Variants in ZMAT4 observed in about 807,000 individuals in gnomAD.
ZMAT4 encodes the protein zinc finger matrin-type protein 4.
In ZMAT4, 17 loss-of-function variants were observed where a neutral mutation model predicts 28.7. The observed-to-expected ratio is 0.59, with a 90% CI of 0.41 to 0.89. ZMAT4 has a LOEUF of 0.89. Among genes scored for constraint, ZMAT4 ranks in the 40% least tolerant of loss-of-function variants. The probability of loss-of-function intolerance (pLI) is 0.00; values close to 1 mark genes in which losing one functional copy is unlikely to be tolerated. For synonymous variants in ZMAT4, 117 were observed against 109.2 expected, an observed-to-expected ratio of 1.07 and a Z score of -0.44; for missense variants, 240 against 283.8, an observed-to-expected ratio of 0.85 and a Z score of 1.11.
intron 6 of ZMAT4, among the ~76,000 whole-genome samples, chr8:40,538,712 C>T (rs1802926840): frequency 2.0e-5 from 3 of 151,986 alleles, no homozygotes; most frequent in Admixed American, 2.0e-4. Flanking sequence ...TCTTTCCTGA[C>T]TCCCCTTTTC....
rs117493275 is a variant in ZMAT4, at chr8:40,548,966, T to C, written c.675-16728A>G. Reference sequence around the variant, plus strand: ...TTTGCTATGGTCTAAATGTCTGTACTCCCACCCACAGAATTCATATGTTGA... The same window carrying C: ...TTTGCTATGGTCTAAATGTCTGTACCCCCACCCACAGAATTCATATGTTGA... On this transcript the variant is annotated intron_variant, in intron 6 of 6. Coordinates refer to ENST00000297737, the MANE Select transcript of ZMAT4 (RefSeq NM_024645.3). 3.1e-3 allele frequency among the ~76,000 whole-genome samples: 470 copies of C among 152,248 alleles called. 2 individuals carry two copies. The highest frequency in any genetic ancestry group is 5.0e-3 in the Non-Finnish European group (340 of 68,008).
At chr8:40,584,604 T>C (rs1804602890) in intron 5 of ZMAT4, among the ~76,000 whole-genome samples, 1 of 152,076 alleles carries the variant, frequency 6.6e-6, no homozygotes, top group South Asian at 2.1e-4. Context: ...CAAAGACAAT[T>C]TGAATGAACT....
At chr8:40,640,456 TG>T (rs775718847) in intron 5 of ZMAT4, among the ~76,000 whole-genome samples, 4 of 152,194 alleles carry the variant, frequency 2.6e-5, no homozygotes, top group Non-Finnish European at 5.9e-5. Context: ...CTCTCTGCAT[TG>T]TTCTCATCAC....
chr8:40,737,397 G>A (rs1293335081), intron 3 of ZMAT4, among the ~76,000 whole-genome samples: 2 of 152,034 alleles, frequency 1.3e-5, no homozygotes, highest in African/African-American at 4.8e-5. Context: ...TGAAAGAAGA[G>A]CAATGGAAGG....
intron 6 of ZMAT4, among the ~76,000 whole-genome samples, chr8:40,578,600 T>C (rs1376907670): frequency 6.6e-6 from 1 of 152,068 alleles, no homozygotes; most frequent in East Asian, 1.9e-4. Context: ...ATTCTCTCTC[T>C]CCTCTCTCTC....
intron 2 of ZMAT4, among the ~76,000 whole-genome samples, chr8:40,815,921 A>C (rs1401982127): frequency 6.6e-6 from 1 of 152,198 alleles, no homozygotes; most frequent in Non-Finnish European, 1.5e-5. Context: ...CGGTTTCAAC[A>C]GTTGTTTCAT....
At chr8:40,703,840 G>T (rs1219152625) in intron 3 of ZMAT4, among the ~76,000 whole-genome samples, 1 of 152,208 alleles carries the variant, frequency 6.6e-6, no homozygotes, top group African/African-American at 2.4e-5. Flanking sequence ...GAAGCTTAAG[G>T]TGTTGTTTTT....
intron 2 of ZMAT4, among the ~76,000 whole-genome samples, chr8:40,769,580 A>G (rs1229775553): frequency 1.3e-5 from 2 of 152,250 alleles, no homozygotes; most frequent in African/African-American, 4.8e-5. Context: ...CTGGTGATAA[A>G]GCACGCAGAC....
intron 5 of ZMAT4, among the ~76,000 whole-genome samples, chr8:40,597,704 G>A (rs1000900497): frequency 1.3e-5 from 2 of 152,134 alleles, no homozygotes; most frequent in African/African-American, 4.8e-5. Flanking sequence ...ATATCTCTGA[G>A]TTCAGAGGAG....
At chr8:40,599,978 C>T (rs1267315797) in intron 5 of ZMAT4, among the ~76,000 whole-genome samples, 6 of 152,206 alleles carry the variant, frequency 3.9e-5, no homozygotes, top group Non-Finnish European at 5.9e-5. Context: ...CTGATCTACT[C>T]GAGCTAGCAC....
At chr8:40,581,550 T>C (rs1216810675) in intron 5 of ZMAT4, among the ~76,000 whole-genome samples, 1 of 152,218 alleles carries the variant, frequency 6.6e-6, no homozygotes, top group East Asian at 1.9e-4. Context: ...CAAACAGAGA[T>C]GCATTCTATT....
intron 5 of ZMAT4, among the ~76,000 whole-genome samples, chr8:40,593,812 C>A (rs149887350): frequency 6.6e-6 from 1 of 152,166 alleles, no homozygotes; most frequent in East Asian, 1.9e-4. Context: ...TACAAGCCAG[C>A]TGTTGGGTAC....
chr8:40,825,788 G>T, intron 1 of ZMAT4, 108 bp from the exon 2 acceptor site: 1 of 795,606 alleles, frequency 1.3e-6, no homozygotes, highest in Non-Finnish European at 2.0e-6. Context: ...TGACAATGGT[G>T]ACAGAGGGGT....
intron 5 of ZMAT4, among the ~76,000 whole-genome samples, chr8:40,674,077 CATCT>C (rs1808801167): frequency 7.9e-6 from 1 of 127,344 alleles, no homozygotes; most frequent in Non-Finnish European, 1.6e-5. Flanking sequence ...GCCTTTTTAT[CATCT>C]TTTTTTTTTT....
At chr8:40,760,335 C>T (rs55980066) in intron 3 of ZMAT4, among the ~76,000 whole-genome samples, 45,340 of 151,924 alleles carry the variant, frequency 0.3, 7,547 homozygotes, top group Middle Eastern at 0.48. Context: ...TTATTTGACC[C>T]TTTGGAAACA....
chr8:40,744,822 G>T lies in ZMAT4; in HGVS notation c.192+22819C>A, dbSNP rs142436227. Reference sequence around the variant, plus strand: ...AACTAATGTCAAACAAAAATAACAAGTAAGGCAGGCAAGCTCTAGTTCGGC... The same window carrying T: ...AACTAATGTCAAACAAAAATAACAATTAAGGCAGGCAAGCTCTAGTTCGGC... On this transcript the variant is annotated intron_variant, in intron 3 of 6. Coordinates refer to ENST00000297737, the MANE Select transcript of ZMAT4 (RefSeq NM_024645.3). 4.0e-3 allele frequency among the ~76,000 whole-genome samples: 603 copies of T among 152,306 alleles called. 3 individuals are homozygous for T. The highest frequency in any genetic ancestry group is 0.014 in the African/African-American group (575 of 41,548).
chr8:40,660,451 A>G (rs1343113856), intron 5 of ZMAT4, among the ~76,000 whole-genome samples: 3 of 152,202 alleles, frequency 2.0e-5, no homozygotes, highest in African/African-American at 7.2e-5. Context: ...GGAAAGAACC[A>G]TCCCTTTTTC....
intron 5 of ZMAT4, among the ~76,000 whole-genome samples, chr8:40,664,628 T>TA (rs1416330026): frequency 2.0e-5 from 3 of 152,252 alleles, no homozygotes; most frequent in Admixed American, 2.0e-4. Context: ...ATGTCTCTGT[T>TA]ACAATATTAT....
intron 5 of ZMAT4, among the ~76,000 whole-genome samples, chr8:40,617,587 G>A (rs1247672088): frequency 6.6e-6 from 1 of 152,196 alleles, no homozygotes; most frequent in African/African-American, 2.4e-5. Flanking sequence ...AAGCTAAAAT[G>A]AAATAGAAAA....
Sources: gnomAD v4.1 joint callset for allele counts (sites outside exome capture counted in the v4.1 genomes callset) on GRCh38, gnomAD v4.1.1 for gene constraint, MANE v1.5 for transcripts, NCBI Gene and HGNC (gene_info 2026-07-23, HGNC 2026-07-21) for gene names.